Variants in PRRC2A observed in about 807,000 individuals in gnomAD.
PRRC2A encodes proline rich coiled-coil 2A.
Under a neutral mutation model 224.6 loss-of-function variants are expected in PRRC2A, and 59 were observed. That is an observed-to-expected ratio of 0.26 (90% confidence interval 0.21 to 0.33). The LOEUF is 0.33. Ranked by LOEUF, PRRC2A falls within the 10% of genes least tolerant of loss-of-function variation. The pLI is 1.00. For missense variants in PRRC2A, 3,095 were observed against 2,880.7 expected (o/e 1.07, Z -1.70); for synonymous variants, 1,194 against 1,109.5 (o/e 1.08, Z -1.51).
Position 31,629,777 on chromosome 6 carries a change from A to G in PRRC2A, c.2186A>G (p.Tyr729Cys). 1 of 1,613,176 alleles carries G rather than the reference A, an allele frequency of 6.2e-7. No homozygotes were observed. The highest frequency in any genetic ancestry group is 8.5e-7 in the Non-Finnish European group (1 of 1,179,708). ...CCCCGATGGATGATGATTCCTCCTTATGTGGACCCCCGGCTCCTCCAGGGT... is the reference window on the plus strand; with the variant it reads ...CCCCGATGGATGATGATTCCTCCTTGTGTGGACCCCCGGCTCCTCCAGGGT... ...FDPRWMMIPPYVDPRLLQGRP... is the reference protein window; with the variant it reads ...FDPRWMMIPPCVDPRLLQGRP... The change falls in exon 14 of 31, where the codon TAT becomes TGT. Residue 729 changes from tyrosine to cysteine, a missense_variant. By Grantham distance (194) the Tyr-to-Cys change is radical. Coordinates refer to ENST00000376033, the MANE Select transcript of PRRC2A (RefSeq NM_004638.4).
Position 31,625,665 on chromosome 6 carries a change from G to A in PRRC2A, c.759+54G>A. The A allele has an allele frequency of 6.2e-7, 1 of 1,604,464 alleles. No homozygotes were observed. The highest frequency in any genetic ancestry group is 8.5e-7 in the Non-Finnish European group (1 of 1,172,348). On this transcript the variant is annotated intron_variant, in intron 7 of 30. Transcript: ENST00000376033. The surrounding 1 kb of genome is among the most constrained non-coding windows in gnomAD (Gnocchi z 4.1). ...ATTACACTGGAAGCTGGAGAGCTAG[G>A]AATCAGGACTTAGTCTTTGACCTAT...
At chr6:31,635,366 A>G (rs774456003) in intron 22 of PRRC2A, 28 bp from the exon 23 acceptor site, 2 of 1,614,082 alleles carry the variant, frequency 1.2e-6, no homozygotes, top group South Asian at 1.1e-5. Flanking sequence ...GTCACGGGAC[A>G]ATGTCTCCTG....
rs1242985894 is a variant in PRRC2A at position 31,629,170 on chromosome 6, G to A, written c.1792G>A (p.Gly598Ser). 1 of 1,614,026 alleles carries A rather than the reference G, an allele frequency of 6.2e-7. No homozygotes were observed. The highest frequency in any genetic ancestry group is 1.1e-5 in the South Asian group (1 of 91,072). ...GGAACCACAACTGCCCTCAAAAGAG[G>A]GTCCTGAACCACCAGAAGAGGTTCC... is the stretch of plus-strand genomic sequence containing the variant. ...PVEPQLPSKEGPEPPEEVPPP... is the reference protein window; with the variant it reads ...PVEPQLPSKESPEPPEEVPPP... Residue 598 changes from glycine (G) to serine (S), a missense_variant, in exon 13 of 31, where the codon GGT (glycine) becomes AGT (serine). By Grantham distance (56) the Gly-to-Ser change is moderately conservative. This residue lies in a region of PRRC2A where 2,001 missense variants were observed against 1,764.9 expected (regional missense o/e 1.13). Transcript: ENST00000376033.
Position 31,636,187 on chromosome 6 carries a change from T to TCTCC in PRRC2A, c.5625-20_5625-17dup. 1.2e-6 allele frequency: 2 copies of TCTCC among 1,606,096 alleles called. No individual in the cohort carries two copies. The highest frequency in any genetic ancestry group is 1.7e-6 in the Non-Finnish European group (2 of 1,172,858). ...AGGACTCTGGCTTCCTAACAGCTTT[T>TCTCC]CTCCCCACAATTTATTTTCAGATCA... On this transcript the variant is annotated intron_variant, in intron 25 of 30. Coordinates refer to ENST00000376033, the MANE Select transcript of PRRC2A (RefSeq NM_004638.4). The surrounding 1 kb of genome is among the most constrained non-coding windows in gnomAD (Gnocchi z 4.3).
rs989500695 is a variant in PRRC2A, at chr6:31,631,722, A to C, written c.3049A>C (p.Arg1017=). The C allele has an allele frequency of 7.9e-6, 12 of 1,519,622 alleles. No homozygotes were observed. The highest frequency in any genetic ancestry group is 9.7e-6 in the Non-Finnish European group (11 of 1,134,654). 94.1% of individuals were successfully genotyped at this position (1,519,622 alleles called of 1,614,324 possible). The change falls in exon 16 of 31, where the codon AGA becomes CGA. Residue 1017 remains arginine, a synonymous_variant. Coordinates refer to ENST00000376033, the MANE Select transcript of PRRC2A (RefSeq NM_004638.4). The surrounding 1 kb of genome is among the most constrained non-coding windows in gnomAD (Gnocchi z 4.5). ...PRLRRDYSYE[R]VGPTSCRGRG... ...GCTTCGGAGGGACTATTCGTATGAA[A>C]GAGTGGGTCCTACCTCTTGCCGGGG...
Position 31,636,636 on chromosome 6 carries a change from CATTT to C in PRRC2A, c.5934+29_5934+32del, listed in dbSNP as rs775191773. On this transcript the variant is annotated intron_variant, in intron 27 of 30. Coordinates refer to ENST00000376033, the MANE Select transcript of PRRC2A (RefSeq NM_004638.4). This position sits in a 1 kb window ranked among gnomAD's most constrained non-coding sequence, Gnocchi z 4.3. ...ATATTGTATCTTCACACTTCCCCTT[CATTT>C]GATTTCTCTGTCCAGTTGCTGGCTT... The C allele has an allele frequency of 3.1e-6, 5 of 1,587,782 alleles. No individual in the cohort carries two copies. The highest frequency in any genetic ancestry group is 4.3e-6 in the Non-Finnish European group (5 of 1,162,878).
rs377543809 is a variant in PRRC2A at position 31,620,825 on chromosome 6, G to A, written c.-134G>A. The stretch of plus-strand genomic sequence containing the variant: ...GCCATCCCGTCCCGGGGAGCCCCTA[G>A]GCCCGGGTCCCGGATCCCCGCGCAC... On this transcript the variant is annotated 5_prime_UTR_variant, in exon 1 of 31. Transcript: ENST00000376033. The A allele has an allele frequency of 4.6e-5, 7 of 152,988 alleles. No individual in the cohort carries two copies. In the East Asian group the frequency reaches 5.8e-4, roughly 13 times the overall value. The allele number at this position is 152,988 out of a possible 1,614,324, so 9.5% of individuals were successfully genotyped here. A position where few individuals can be genotyped will look rare whatever the true frequency, so the allele number is the denominator to read the frequency against.
intron 2 of PRRC2A, chr6:31,623,181 G>T: frequency 1.4e-6 from 1 of 711,400 alleles, no homozygotes; most frequent in South Asian, 1.4e-5. Flanking sequence ...CTTGCTTCTT[G>T]CAGGCTCATG....
At chr6:31,635,041 C>T in intron 21 of PRRC2A, 64 bp downstream of exon 21, 3 of 1,597,766 alleles carry the variant, frequency 1.9e-6, no homozygotes, top group Admixed American at 3.4e-5. Flanking sequence ...CTACCTTTTT[C>T]TGCTTTTTCT....
Position 31,632,571 on chromosome 6 carries a change from C to T in PRRC2A, c.3898C>T (p.Arg1300Cys), listed in dbSNP as rs749246458. 1.7e-5 allele frequency: 28 copies of T among 1,612,478 alleles called. No individual in the cohort carries two copies. In the East Asian group the frequency reaches 3.3e-4, roughly 19 times the overall value. Residue 1300 changes from arginine to cysteine, a missense_variant, in exon 16 of 31, where the codon CGC becomes TGC. Physicochemically the swap from Arg to Cys is radical, Grantham distance 180. Coordinates refer to ENST00000376033, the MANE Select transcript of PRRC2A (RefSeq NM_004638.4). ...LTTVTVAPAP[R>C]RAAAKSPDLS... ...AACAGTCACAGTGGCCCCAGCACCT[C>T]GCCGGGCAGCTGCCAAGTCTCCTGA... is the stretch of plus-strand genomic sequence containing the variant.
chr6:31,626,968 T>TG lies in PRRC2A; in HGVS notation c.1074-13dup. Reference sequence around the variant, plus strand: ...TTGCAGCTGATTTTAATTTCACTGTTGATCTGCTCACAGCAGGGATTCCCA... The same window carrying TG: ...TTGCAGCTGATTTTAATTTCACTGTTGGATCTGCTCACAGCAGGGATTCCCA... On this transcript the variant is annotated splice_polypyrimidine_tract_variant and intron_variant, in intron 10 of 30. Transcript: ENST00000376033. The TG allele has an allele frequency of 1.9e-6, 3 of 1,614,172 alleles. No homozygotes were observed. Among genetic ancestry groups the TG allele is most frequent in the Non-Finnish European group, 2.5e-6 (3 of 1,180,000 alleles).
chr6:31,632,095 C>T lies in PRRC2A; in HGVS notation c.3422C>T (p.Pro1141Leu), dbSNP rs1159910781. The stretch of plus-strand genomic sequence containing the variant: ...ACCCAGGTCCCTCTCGCTCCCCCAC[C>T]ACCAGGAGCCCCACCTTCACCAGCC... Reference protein sequence around the residue: ...TLTQVPLAPPPPGAPPSPAPA... With the variant: ...TLTQVPLAPPLPGAPPSPAPA... Residue 1141 changes from proline to leucine, a missense_variant, in exon 16 of 31, where the codon CCA (proline) becomes CTA (leucine). Coordinates refer to ENST00000376033, the MANE Select transcript of PRRC2A (RefSeq NM_004638.4). The T allele has an allele frequency of 1.9e-6, 3 of 1,551,716 alleles. No individual in the cohort carries two copies. The highest frequency in any genetic ancestry group is 3.8e-5 in the Admixed American group (2 of 52,724).
At chr6:31,626,208 A>T in intron 9 of PRRC2A, 46 bp downstream of exon 9, 2 of 1,583,656 alleles carry the variant, frequency 1.3e-6, no homozygotes, top group Middle Eastern at 3.3e-4. Flanking sequence ...GAAAGGCAAA[A>T]CCTAATGAGG....
At chr6:31,637,397 C>T (rs779507640) in intron 30 of PRRC2A, 49 bp from the exon 31 acceptor site, 10 of 1,602,954 alleles carry the variant, frequency 6.2e-6, no homozygotes, top group East Asian at 2.2e-5. Flanking sequence ...TCCGTCTCAT[C>T]GCTGACCTCT....
chr6:31,635,870 A>G (rs1367151533), intron 24 of PRRC2A, 97 bp from the exon 25 acceptor site: 1 of 1,446,762 alleles, frequency 6.9e-7, no homozygotes, highest in Non-Finnish European at 9.4e-7. Context: ...TTGTCACATC[A>G]TTTTTCTCCC....
chr6:31,631,356 G>C lies in PRRC2A; in HGVS notation c.2683G>C (p.Gly895Arg), dbSNP rs772523945. The change falls in exon 16 of 31, where the codon GGG becomes CGG. Residue 895 changes from glycine (G) to arginine (R), a missense_variant. Gly to Arg is a moderately radical substitution (Grantham distance 125, BLOSUM62 -2). Transcript: ENST00000376033. This position sits in a 1 kb window ranked among gnomAD's most constrained non-coding sequence, Gnocchi z 4.5. ...TAAGGAGGAGACTGCACAGCTGACG[G>C]GGCCAGAAGCAGGCCGAAAGCCTGC... is the stretch of plus-strand genomic sequence containing the variant. ...PPKEETAQLT[G>R]PEAGRKPARG... 6 of 1,602,140 alleles carry C rather than the reference G, an allele frequency of 3.7e-6. No individual in the cohort carries two copies. In the African/African-American group the frequency reaches 8.1e-5, roughly 22 times the overall value.
At position 31,632,437 on chromosome 6, in the gene PRRC2A, C is replaced by G; in HGVS notation, c.3764C>G (p.Pro1255Arg). The change falls in exon 16 of 31, where the codon CCT becomes CGT. Residue 1255 changes from proline to arginine, a missense_variant. By Grantham distance (103) the Pro-to-Arg change is moderately radical (BLOSUM62 -2). Transcript: ENST00000376033. ...AGGGCTCAGCAGCAGGATAAACCGC[C>G]TCGTTTCCGGAGGCTGAAGCAGGAA... The part of the protein sequence containing the change: ...HGRAQQQDKP[P>R]RFRRLKQERE... 6.2e-7 allele frequency: 1 copy of G among 1,605,392 alleles called. No individual in the cohort carries two copies. The highest frequency in any genetic ancestry group is 8.5e-7 in the Non-Finnish European group (1 of 1,174,926).
In PRRC2A at chr6:31,625,748, A is replaced by G. The variant is rs1246419592; in HGVS notation, c.760-44A>G. On this transcript the variant is annotated intron_variant, in intron 7 of 30. Transcript: ENST00000376033. This position sits in a 1 kb window ranked among gnomAD's most constrained non-coding sequence, Gnocchi z 4.1. ...AGCAGGCTTAAGGAGCTAGAAGGGT[A>G]TATGACTGTCCCTCTGAGCAGCTAC... 10 of 1,555,896 alleles carry G rather than the reference A, an allele frequency of 6.4e-6. No homozygotes were observed. Among genetic ancestry groups the G allele is most frequent in the South Asian group, 3.3e-5 (3 of 89,876 alleles).
rs377155028 is a variant in PRRC2A, at chr6:31,637,510, G to A, written c.6398G>A (p.Arg2133Gln). 1.6e-5 allele frequency: 25 copies of A among 1,579,664 alleles called. No homozygotes were observed. The highest frequency in any genetic ancestry group is 8.1e-5 in the African/African-American group (6 of 73,714). The change falls in exon 31 of 31, where the codon CGA becomes CAA. Residue 2133 changes from arginine to glutamine, a missense_variant. By Grantham distance (43) the Arg-to-Gln change is conservative (BLOSUM62 1). Around this residue, in one of 8 missense-constraint regions of PRRC2A, gnomAD observed 662 missense variants for 609.5 expected, o/e 1.09. Coordinates refer to ENST00000376033, the MANE Select transcript of PRRC2A (RefSeq NM_004638.4). ...KPWERTGPPP[R>Q]EGPSRRAEEP... ...TGGGAGCGGACAGGGCCGCCACCTC[G>A]AGAAGGGCCCTCCCGACGGGCAGAG...
Sources: allele counts gnomAD v4.1 joint callset, GRCh38; gene constraint gnomAD v4.1.1; regional missense constraint gnomAD v4.1.1; non-coding constraint Gnocchi (gnomAD v3.1); transcripts MANE v1.5; gene names NCBI Gene and HGNC (gene_info 2026-07-23, HGNC 2026-07-21).